CATSPERG: variants seen among roughly 807,000 people sequenced by gnomAD.
The protein encoded by CATSPERG is catsper channel auxiliary subunit gamma.
Under a neutral mutation model 145.0 loss-of-function variants are expected in CATSPERG, and 115 were observed. The ratio of observed to expected loss-of-function variants is 0.79; its 90% CI spans 0.68 to 0.93. CATSPERG has a LOEUF of 0.93. Among genes scored for constraint, CATSPERG ranks in the 40% least tolerant of loss-of-function variants. The pLI is 0.00. For missense variants in CATSPERG, 1,296 were observed against 1,490.1 expected (o/e 0.87, Z 2.14); for synonymous variants, 588 against 589.0 (o/e 1.00, Z 0.02).
chr19:38,358,638 C>A, intron 13 of CATSPERG, 77 bp downstream of exon 13: 2 of 1,568,240 alleles, frequency 1.3e-6, no homozygotes, highest in Non-Finnish European at 1.7e-6. Flanking sequence ...CCCTTTCAAG[C>A]CCAGGCTAGG....
chr19:38,361,085 ATTAGCCAAGTGATAAGGTGGGGAAGGG>A (rs1295107848), intron 16 of CATSPERG, among the ~76,000 whole-genome samples: 1 of 152,122 alleles, frequency 6.6e-6, no homozygotes, highest in Admixed American at 6.5e-5. Flanking sequence ...GTGAGGAAGG[ATTAGCCAAGTGATAAGGTGGGGAAGGG>A]TGTTCCAGAA....
chr19:38,354,016 A>AG (rs1970199887), intron 8 of CATSPERG, among the ~76,000 whole-genome samples: 1 of 148,342 alleles, frequency 6.7e-6, no homozygotes, highest in Non-Finnish European at 1.5e-5. Context: ...AAAAAAAAAA[A>AG]AAGATACCAA....
In CATSPERG at chr19:38,356,759, A is replaced by G; in HGVS notation, c.1213A>G (p.Ile405Val). ...CCTCTCAGTTACCACCTGCTCCATA[A>G]TTTGGTCTGAATACATCGCGGGTGA... ...EQIGVTTCSI[I>V]WSEYIAGEYT... is the part of the protein sequence containing the mutation. The change falls in exon 11 of 29, where the codon ATT (isoleucine) becomes GTT (valine). Residue 405 changes from isoleucine to valine, a missense_variant. Ile to Val is a conservative substitution (Grantham distance 29, BLOSUM62 3). Transcript: ENST00000409235. 2 of 1,614,116 alleles carry G rather than the reference A, an allele frequency of 1.2e-6. No individual in the cohort carries two copies. The highest frequency in any genetic ancestry group is 1.7e-6 in the Non-Finnish European group (2 of 1,179,998).
chr19:38,336,565 C>A (rs1969840523), intron 1 of CATSPERG: 5 of 287,732 alleles, frequency 1.7e-5, no homozygotes, highest in South Asian at 1.4e-4. Context: ...CGGAGACGGG[C>A]GAGACCAGGT....
intron 3 of CATSPERG, 39 bp downstream of exon 3, chr19:38,337,685 C>T (rs1969865710): frequency 1.3e-6 from 2 of 1,501,176 alleles, no homozygotes; most frequent in Non-Finnish European, 1.8e-6. Flanking sequence ...TTCTATGAGC[C>T]TTGGTTTTCC....
At chr19:38,344,558 G>A (rs1969995044) in intron 6 of CATSPERG, among the ~76,000 whole-genome samples, 190 bp downstream of exon 6, 1 of 152,002 alleles carries the variant, frequency 6.6e-6, no homozygotes, top group Non-Finnish European at 1.5e-5. Context: ...TTATAAAGAG[G>A]AGAAAACTGA....
At chr19:38,369,740 G>A in intron 26 of CATSPERG, 1 of 574,652 alleles carries the variant, frequency 1.7e-6, no homozygotes. Flanking sequence ...CAGTGACAGA[G>A]GAATTGACAG....
At position 38,344,383 on chromosome 19, in the gene CATSPERG, C is replaced by G; in HGVS notation, c.669+15C>G. On this transcript the variant is annotated intron_variant, in intron 6 of 28. Coordinates refer to ENST00000409235, the MANE Select transcript of CATSPERG (RefSeq NM_021185.5). ...TGGGAGAGGAGGTGAGGGAATATGG[C>G]AGGGGAAAAAGACAATGGTCTGGGC... is the stretch of plus-strand genomic sequence containing the variant. 1.3e-6 allele frequency: 2 copies of G among 1,548,846 alleles called. No individual in the cohort carries two copies. The highest frequency in any genetic ancestry group is 4.9e-5 in the East Asian group (2 of 40,890).
intron 23 of CATSPERG, 81 bp downstream of exon 23, chr19:38,367,393 C>T (rs551943534): frequency 6.4e-7 from 1 of 1,563,566 alleles, no homozygotes; most frequent in African/African-American, 1.3e-5. Flanking sequence ...CCATTCCTCT[C>T]CCCGCAGACT....
At chr19:38,362,157 G>C in intron 17 of CATSPERG, 53 bp from the exon 18 acceptor site, 1 of 1,544,430 alleles carries the variant, frequency 6.5e-7, no homozygotes, top group East Asian at 2.4e-5. Flanking sequence ...CGCTTGCCTG[G>C]AGGCTCTCGC....
rs1289389222 is a variant in CATSPERG at position 38,361,697 on chromosome 19, C to A, written c.1930C>A (p.Arg644Ser). Residue 644 changes from arginine (R) to serine (S), a missense_variant, in exon 17 of 29, where the codon CGC (arginine) becomes AGC (serine). Arg to Ser is a moderately radical substitution (Grantham distance 110). Transcript: ENST00000409235. The part of the protein sequence containing the change: ...FIDFCPFSVM[R>S]LRSLPSPQRY... Reference sequence around the variant, plus strand: ...CGACTTCTGCCCCTTCTCGGTGATGCGCCTGCGGAGCCTGCCCAGTCCGCA... The same window carrying A: ...CGACTTCTGCCCCTTCTCGGTGATGAGCCTGCGGAGCCTGCCCAGTCCGCA... The A allele has an allele frequency of 1.2e-6, 2 of 1,612,020 alleles. No homozygotes were observed. Among genetic ancestry groups the A allele is most frequent in the Non-Finnish European group, 1.7e-6 (2 of 1,179,846 alleles).
At chr19:38,337,149 G>A (rs1416352569) in intron 1 of CATSPERG, 72 bp from the exon 2 acceptor site, 1 of 1,507,182 alleles carries the variant, frequency 6.6e-7, no homozygotes, top group Admixed American at 2.0e-5. Flanking sequence ...AGGCGCAGAA[G>A]CGAGGTGGAA....
At chr19:38,339,431 G>A (rs558135554) in intron 3 of CATSPERG, among the ~76,000 whole-genome samples, 6 of 152,174 alleles carry the variant, frequency 3.9e-5, no homozygotes, top group Admixed American at 3.9e-4. Context: ...CCTGGACCCC[G>A]GACATGTTCC....
At chr19:38,349,873 C>T (rs1252232286) in intron 7 of CATSPERG, among the ~76,000 whole-genome samples, 1 of 152,118 alleles carries the variant, frequency 6.6e-6, no homozygotes, top group African/African-American at 2.4e-5. Flanking sequence ...CCATGTTGGC[C>T]AGGCTGGTCC....
intron 1 of CATSPERG, chr19:38,336,215 C>A (rs1441267996): frequency 2.2e-6 from 1 of 456,114 alleles, no homozygotes; most frequent in Admixed American, 2.4e-5. Context: ...CAAGAAGGTG[C>A]CGGCTAAGAA....
Position 38,343,615 on chromosome 19 carries a change from G to A in CATSPERG, c.360G>A (p.Thr120=), listed in dbSNP as rs367576150. The part of the protein sequence containing the change: ...SEDLVRMGHL[T]GLKPLVLVTF... Reference sequence around the variant, plus strand: ...ACCTGGTGCGCATGGGCCACCTGACGGGGCTAAAGCCCCTGGTGCTGGTCA... The same window carrying A: ...ACCTGGTGCGCATGGGCCACCTGACAGGGCTAAAGCCCCTGGTGCTGGTCA... The change falls in exon 4 of 29, where the codon ACG becomes ACA. Residue 120 remains threonine, a synonymous_variant. Coordinates refer to ENST00000409235, the MANE Select transcript of CATSPERG (RefSeq NM_021185.5). 20 of 1,551,156 alleles carry A rather than the reference G, an allele frequency of 1.3e-5. No individual in the cohort carries two copies. Among genetic ancestry groups the A allele is most frequent in the African/African-American group, 2.7e-5 (2 of 73,054 alleles).
chr19:38,368,171 T>C, intron 26 of CATSPERG, 34 bp downstream of exon 26: 12 of 1,590,782 alleles, frequency 7.5e-6, no homozygotes, highest in Non-Finnish European at 1.0e-5. Context: ...TTGGCCCCCA[T>C]CTGTCGGTAG....
intron 7 of CATSPERG, 92 bp downstream of exon 7, chr19:38,346,697 G>A (rs1314849164): frequency 3.3e-6 from 4 of 1,228,498 alleles, no homozygotes; most frequent in Non-Finnish European, 3.3e-6. Context: ...GGCTCTAGAA[G>A]TCCCCAAAGA....
At chr19:38,340,794 T>C (rs778707567) in intron 3 of CATSPERG, among the ~76,000 whole-genome samples, 6 of 151,352 alleles carry the variant, frequency 4.0e-5, no homozygotes, top group Non-Finnish European at 8.8e-5. Context: ...TACTTTCAAT[T>C]AGACAGGGTC....
Sources: allele counts gnomAD v4.1 joint callset (sites outside exome capture counted in the v4.1 genomes callset), GRCh38; gene constraint gnomAD v4.1.1; transcripts MANE v1.5; gene names NCBI Gene and HGNC (gene_info 2026-07-23, HGNC 2026-07-21).